The following WASL variants were observed in gnomAD, a reference collection of about 807,000 sequenced individuals.
The protein encoded by WASL is WASP like actin nucleation promoting factor.
Under a neutral mutation model 55.5 loss-of-function variants are expected in WASL, and 20 were observed. The observed-to-expected ratio is 0.36, with a 90% CI of 0.25 to 0.52. WASL has a LOEUF of 0.52. WASL is among the 20% of genes least tolerant of loss of function. The pLI is 0.92. For synonymous variants in WASL, 249 were observed against 217.6 expected (o/e 1.14, Z -1.27); for missense variants, 504 against 622.5 (o/e 0.81, Z 2.03).
At chr7:123,747,300 T>A (rs747699872) in intron 1 of WASL, among the ~76,000 whole-genome samples, 10 of 152,156 alleles carry the variant, frequency 6.6e-5, no homozygotes, top group Non-Finnish European at 1.3e-4. Context: ...GGGCTTAAAG[T>A]TGTTACCCAA....
At chr7:123,741,711 A>C (rs1390500956) in intron 1 of WASL, among the ~76,000 whole-genome samples, 1 of 152,206 alleles carries the variant, frequency 6.6e-6, no homozygotes, top group East Asian at 1.9e-4. Context: ...AGATTACTAC[A>C]AGCATGCATT....
intron 5 of WASL, among the ~76,000 whole-genome samples, chr7:123,699,318 C>T (rs1260029779): frequency 6.6e-6 from 1 of 152,096 alleles, no homozygotes; most frequent in Non-Finnish European, 1.5e-5. Flanking sequence ...GCAGAGGTTG[C>T]AGTGGGCTGA....
chr7:123,726,890 G>C (rs1804053283), intron 1 of WASL, among the ~76,000 whole-genome samples: 1 of 148,704 alleles, frequency 6.7e-6, no homozygotes, highest in East Asian at 2.0e-4. Flanking sequence ...ATAATAATTA[G>C]GCAAGCTACA....
rs114516426 is a variant in WASL at position 123,724,889 on chromosome 7, G to T, written c.118-15666C>A. On this transcript the variant is annotated intron_variant, in intron 1 of 10. Coordinates refer to ENST00000223023, the MANE Select transcript of WASL (RefSeq NM_003941.4). Reference sequence around the variant, plus strand: ...ACTGTTTTAAATGCCACAACAATTTGCTTCTACAACAGCTTCCCCAATAGA... The same window carrying T: ...ACTGTTTTAAATGCCACAACAATTTTCTTCTACAACAGCTTCCCCAATAGA... 2.9e-4 allele frequency among the ~76,000 whole-genome samples: 44 copies of T among 152,224 alleles called. No homozygotes were observed. In the Middle Eastern group the frequency reaches 0.01, roughly 35 times the overall value.
intron 1 of WASL, among the ~76,000 whole-genome samples, chr7:123,715,678 T>C (rs1261212200): frequency 6.6e-6 from 1 of 152,172 alleles, no homozygotes; most frequent in Non-Finnish European, 1.5e-5. Context: ...CACTTTATTA[T>C]ATACAAAAGC....
chr7:123,735,575 A>G (rs939891236), intron 1 of WASL, among the ~76,000 whole-genome samples: 3 of 152,172 alleles, frequency 2.0e-5, no homozygotes, highest in African/African-American at 4.8e-5. Flanking sequence ...AGCTAGAGCA[A>G]AGACTGGACA....
intron 1 of WASL, among the ~76,000 whole-genome samples, chr7:123,725,057 C>A (rs1804018449): frequency 6.6e-6 from 1 of 152,152 alleles, no homozygotes; most frequent in Non-Finnish European, 1.5e-5. Flanking sequence ...AAACAGCATA[C>A]TAAAGTCAAC....
chr7:123,693,729 G>A (rs1399757625), intron 8 of WASL, among the ~76,000 whole-genome samples: 2 of 152,206 alleles, frequency 1.3e-5, no homozygotes, highest in African/African-American at 4.8e-5. Flanking sequence ...ACTTTGGGAG[G>A]CCAAAGCGGG....
At chr7:123,684,925 CTAACTTT>C (rs1192829540) in intron 10 of WASL, among the ~76,000 whole-genome samples, 22 of 152,088 alleles carry the variant, frequency 1.4e-4, no homozygotes, top group Non-Finnish European at 7.4e-5. Context: ...CTCAAAACTT[CTAACTTT>C]TATTTCCTTC....
intron 2 of WASL, among the ~76,000 whole-genome samples, chr7:123,708,768 A>G (rs1803710469): frequency 6.6e-6 from 1 of 152,072 alleles, no homozygotes; most frequent in Non-Finnish European, 1.5e-5. Context: ...AACCAGGTGG[A>G]ATAAAAGAGT....
intron 5 of WASL, among the ~76,000 whole-genome samples, chr7:123,703,026 C>A (rs1803615660): frequency 6.6e-6 from 1 of 152,196 alleles, no homozygotes; most frequent in South Asian, 2.1e-4. Flanking sequence ...GTAACAAATT[C>A]AAAAAGGTTG....
intron 5 of WASL, among the ~76,000 whole-genome samples, chr7:123,703,335 A>G (rs1022259970): frequency 3.9e-5 from 6 of 152,134 alleles, no homozygotes; most frequent in Non-Finnish European, 7.3e-5. Flanking sequence ...CCTTATCTAT[A>G]AAAGAGATAA....
chr7:123,723,002 C>CTTA (rs1803977727), intron 1 of WASL, among the ~76,000 whole-genome samples: 1 of 152,140 alleles, frequency 6.6e-6, no homozygotes, highest in Non-Finnish European at 1.5e-5. Flanking sequence ...GATTCCACCA[C>CTTA]TTATTAGCAA....
intron 1 of WASL, among the ~76,000 whole-genome samples, chr7:123,726,203 A>G (rs1423910789): frequency 6.6e-6 from 1 of 152,198 alleles, no homozygotes; most frequent in South Asian, 2.1e-4. Flanking sequence ...ACCCAAACAT[A>G]TAAGGTCAAT....
At chr7:123,705,987 T>C (rs1803663752) in intron 4 of WASL, among the ~76,000 whole-genome samples, 1 of 152,038 alleles carries the variant, frequency 6.6e-6, no homozygotes, top group Admixed American at 6.6e-5. Context: ...CTTCGGTAAA[T>C]CTAAAAAAAA....
intron 5 of WASL, among the ~76,000 whole-genome samples, chr7:123,698,008 G>A (rs1803518408): frequency 6.6e-6 from 1 of 151,438 alleles, no homozygotes. Context: ...GAGGAATTAG[G>A]TGCAACCTCT....
At chr7:123,709,679 C>T (rs1477363238) in intron 1 of WASL, among the ~76,000 whole-genome samples, 2 of 152,058 alleles carry the variant, frequency 1.3e-5, no homozygotes, top group African/African-American at 2.4e-5. Flanking sequence ...ACACTGTTTC[C>T]CAATAAAGTG....
At chr7:123,736,311 G>C (rs1804226930) in intron 1 of WASL, among the ~76,000 whole-genome samples, 1 of 152,064 alleles carries the variant, frequency 6.6e-6, no homozygotes, top group Admixed American at 6.6e-5. Context: ...CCTTCTCACT[G>C]CAAGAAAATG....
chr7:123,713,687 A>G (rs914277096), intron 1 of WASL, among the ~76,000 whole-genome samples: 2 of 152,202 alleles, frequency 1.3e-5, no homozygotes, highest in Non-Finnish European at 2.9e-5. Context: ...ATTTAAATAC[A>G]TTCCTAGATG....
Sources: allele counts gnomAD v4.1 joint callset (sites outside exome capture counted in the v4.1 genomes callset), GRCh38; gene constraint gnomAD v4.1.1; transcripts MANE v1.5; gene names NCBI Gene and HGNC (gene_info 2026-07-23, HGNC 2026-07-21).